The following HSD17B4 variants were observed in gnomAD, a reference collection of about 807,000 sequenced individuals.
HSD17B4 encodes the protein peroxisomal multifunctional enzyme type 2.
HSD17B4 carries 70 observed loss-of-function variants against 101.0 expected under a neutral mutation model. The ratio of observed to expected loss-of-function variants is 0.69; its 90% confidence interval spans 0.57 to 0.85. The LOEUF (loss-of-function observed/expected upper bound fraction) is 0.85. Among genes scored for constraint, HSD17B4 ranks in the 40% least tolerant of loss-of-function variants. The pLI is 0.00. For missense variants in HSD17B4, 984 were observed against 892.4 expected, an observed-to-expected ratio of 1.10 and a Z score of -1.31; for synonymous variants, 347 against 297.1, an observed-to-expected ratio of 1.17 and a Z score of -1.73.
intron 23 of HSD17B4, among the ~76,000 whole-genome samples, chr5:119,538,735 A>G (rs939179848): frequency 2.0e-5 from 3 of 151,850 alleles, no homozygotes; most frequent in East Asian, 1.9e-4. Flanking sequence ...TACTCCTTCA[A>G]TGTCTATGCA....
At chr5:119,457,355 CAT>C (rs1472438181) in intron 2 of HSD17B4, among the ~76,000 whole-genome samples, 2 of 152,212 alleles carry the variant, frequency 1.3e-5, no homozygotes, top group Non-Finnish European at 2.9e-5. Context: ...CAGGGAGACA[CAT>C]ATAACAAAAG....
chr5:119,471,545 T>C (rs1756367275), intron 2 of HSD17B4: 1 of 501,924 alleles, frequency 2.0e-6, no homozygotes. Flanking sequence ...AAAAAAATCT[T>C]GTTTAAAAAA....
rs74802283 is a variant in HSD17B4 at position 119,523,212 on chromosome 5, T to C, written c.1504-2004T>C. 3.6e-3 allele frequency among the ~76,000 whole-genome samples: 541 copies of C among 152,284 alleles called. 21 individuals are homozygous for C. In the East Asian group the frequency reaches 0.09, roughly 25 times the overall value. On this transcript the variant is annotated intron_variant, in intron 17 of 23. Coordinates refer to ENST00000510025, the MANE Select transcript of HSD17B4 (RefSeq NM_000414.4). ...CTATTTATTTAGCATTTAGTTTAAC[T>C]TAATGGTACAATTTTAAAAAATCAA...
At chr5:119,527,275 A>T (rs974454262) in intron 20 of HSD17B4, 56 bp downstream of exon 20, 1 of 1,040,424 alleles carries the variant, frequency 9.6e-7, no homozygotes, top group Non-Finnish European at 1.5e-6. Flanking sequence ...GTTCCATCTT[A>T]CCATTTTTTT....
chr5:119,536,503 G>A lies in HSD17B4; in HGVS notation c.2074G>A (p.Asp692Asn). The change falls in exon 23 of 24, where the codon GAT becomes AAT. Residue 692 changes from aspartate (D) to asparagine (N), a missense_variant. By Grantham distance (23) the Asp-to-Asn change is conservative. Transcript: ENST00000510025. ...TGCTGATACAACAATCATACTTTCA[G>A]ATGAAGATTTCATGGAGGTGGTCCT... is the stretch of plus-strand genomic sequence containing the variant. ...GAADTTIILS[D>N]EDFMEVVLGK... is the part of the protein sequence containing the mutation. 1 of 1,612,242 alleles carries A rather than the reference G, an allele frequency of 6.2e-7. No homozygotes were observed. The highest frequency in any genetic ancestry group is 8.5e-7 in the Non-Finnish European group (1 of 1,178,552).
intron 22 of HSD17B4, among the ~76,000 whole-genome samples, chr5:119,533,269 A>G (rs1580716208): frequency 1.4e-5 from 2 of 146,214 alleles, no homozygotes; most frequent in Non-Finnish European, 3.0e-5. Flanking sequence ...GGAGACTACA[A>G]ATATGCATTG....
rs372898042 is a variant in HSD17B4, at chr5:119,509,164, C to G, written c.1357C>G (p.Leu453Val). The change falls in exon 16 of 24, where the codon CTT (leucine) becomes GTT (valine). Residue 453 changes from leucine to valine, a missense_variant. Transcript: ENST00000510025. ...AGTCTATTCTTATTCTGAGAAGGAACTTATATGCCACAATCAGTTCTCTCT... is the reference window on the plus strand; with the variant it reads ...AGTCTATTCTTATTCTGAGAAGGAAGTTATATGCCACAATCAGTTCTCTCT... ...MDVYSYSEKELICHNQFSLFL... is the reference protein window; with the variant it reads ...MDVYSYSEKEVICHNQFSLFL... The G allele has an allele frequency of 6.3e-7, 1 of 1,596,558 alleles. No homozygotes were observed. Among genetic ancestry groups the G allele is most frequent in the Non-Finnish European group, 8.6e-7 (1 of 1,164,268 alleles).
intron 9 of HSD17B4, 120 bp downstream of exon 9, chr5:119,489,403 A>C (rs1361031689): frequency 3.1e-5 from 22 of 715,452 alleles, no homozygotes; most frequent in Non-Finnish European, 4.7e-5. Flanking sequence ...TATAATTAAA[A>C]GTGTTGACTA....
chr5:119,462,840 T>C (rs936172463), intron 2 of HSD17B4, among the ~76,000 whole-genome samples: 6 of 152,190 alleles, frequency 3.9e-5, no homozygotes, highest in Non-Finnish European at 8.8e-5. Flanking sequence ...CATTTATCCT[T>C]TCTTTGCATT....
At chr5:119,452,658 G>A in intron 1 of HSD17B4, 25 bp downstream of exon 1, 1 of 1,613,452 alleles carries the variant, frequency 6.2e-7, no homozygotes, top group Non-Finnish European at 8.5e-7. Context: ...GTTGGAGGCC[G>A]CGCCCCTTGC....
chr5:119,539,780 C>A (rs1399400582), intron 23 of HSD17B4, among the ~76,000 whole-genome samples: 1 of 151,844 alleles, frequency 6.6e-6, no homozygotes, highest in African/African-American at 2.4e-5. Flanking sequence ...AATTTACACA[C>A]AACTGGAGGG....
intron 13 of HSD17B4, among the ~76,000 whole-genome samples, chr5:119,500,699 G>A (rs2126785679): frequency 6.6e-6 from 1 of 152,160 alleles, no homozygotes; most frequent in East Asian, 1.9e-4. Context: ...GCCCTGAAAT[G>A]TTGAGAGGGT....
chr5:119,466,176 A>G (rs567802365), intron 2 of HSD17B4, among the ~76,000 whole-genome samples: 12 of 152,116 alleles, frequency 7.9e-5, no homozygotes, highest in Non-Finnish European at 1.6e-4. Flanking sequence ...ATTGTGATAT[A>G]TTATCTTCTA....
intron 2 of HSD17B4, among the ~76,000 whole-genome samples, chr5:119,468,336 G>C (rs1480841088): frequency 6.6e-6 from 1 of 151,714 alleles, no homozygotes; most frequent in Non-Finnish European, 1.5e-5. Flanking sequence ...TCTTGTCTGG[G>C]AAAGACTTTG....
chr5:119,515,441 A>G (rs1385869888), intron 17 of HSD17B4, among the ~76,000 whole-genome samples: 1 of 152,172 alleles, frequency 6.6e-6, no homozygotes, highest in African/African-American at 2.4e-5. Context: ...TCTTTGGGAA[A>G]GAAAGCAATG....
At chr5:119,481,119 A>G (rs1197196796) in intron 8 of HSD17B4, among the ~76,000 whole-genome samples, 1 of 152,208 alleles carries the variant, frequency 6.6e-6, no homozygotes, top group South Asian at 2.1e-4. Flanking sequence ...TGACAGGATT[A>G]AGAGATTAAA....
chr5:119,457,237 T>C (rs532046249), intron 2 of HSD17B4, among the ~76,000 whole-genome samples: 3 of 152,336 alleles, frequency 2.0e-5, no homozygotes, highest in South Asian at 2.1e-4. Flanking sequence ...CCAGTACTTA[T>C]TAGCATATTT....
chr5:119,452,657 C>T (rs375638815), intron 1 of HSD17B4, 24 bp downstream of exon 1: 17 of 1,613,352 alleles, frequency 1.1e-5, no homozygotes, highest in Admixed American at 6.7e-5. Flanking sequence ...GGTTGGAGGC[C>T]GCGCCCCTTG....
intron 2 of HSD17B4, among the ~76,000 whole-genome samples, chr5:119,465,431 G>A (rs1202349342): frequency 6.6e-6 from 1 of 152,112 alleles, no homozygotes; most frequent in Non-Finnish European, 1.5e-5. Context: ...TCTCTCTCTT[G>A]CTGCCACTCT....
Sources: gnomAD v4.1 joint callset for allele counts (sites outside exome capture counted in the v4.1 genomes callset) on GRCh38, gnomAD v4.1.1 for gene constraint, MANE v1.5 for transcripts, NCBI Gene and HGNC (gene_info 2026-07-23, HGNC 2026-07-21) for gene names.